The following GSE1 variants were observed in gnomAD, a reference collection of about 807,000 sequenced individuals.
GSE1 encodes Gse1 coiled-coil protein, also known as genetic suppressor element 1.
In GSE1, 32 loss-of-function variants were observed where a neutral mutation model predicts 112.6. The ratio of observed to expected loss-of-function variants is 0.28; its 90% CI spans 0.21 to 0.38. The LOEUF is 0.38. GSE1 is among the 10% of genes least tolerant of loss of function. The pLI, the probability that GSE1 is intolerant of heterozygous loss-of-function variation, is 1.00. For synonymous variants in GSE1, 1,115 were observed against 735.6 expected (o/e 1.52, Z -8.35); for missense variants, 2,348 against 1,699.2 (o/e 1.38, Z -6.71).
In GSE1 at chr16:85,613,386, C is replaced by T. The variant is rs757400279; in HGVS notation, c.-6C>T. 2 of 1,567,352 alleles carry T rather than the reference C, an allele frequency of 1.3e-6. No individual in the cohort carries two copies. Among genetic ancestry groups the T allele is most frequent in the South Asian group, 1.2e-5 (1 of 85,424 alleles). On this transcript the variant is annotated 5_prime_UTR_variant, in exon 1 of 16. Coordinates refer to ENST00000253458, the MANE Select transcript of GSE1 (RefSeq NM_014615.5). ...ATCAGCCGAGGTGGAGCTGCGGGGC[C>T]CTGGCATGAAAGGTGAGCGCGCCGC...
At chr16:85,579,659 G>C (rs777297127) in intron 1 of GSE1, among the ~76,000 whole-genome samples, 1 of 152,180 alleles carries the variant, frequency 6.6e-6, no homozygotes, top group East Asian at 1.9e-4. Context: ...GCGGCCTCCC[G>C]TCTCTCTTCC....
upstream of GSE1, among the ~76,000 whole-genome samples, chr16:85,553,656 G>A (rs2045049863): frequency 2.6e-5 from 4 of 152,100 alleles, no homozygotes; most frequent in South Asian, 8.3e-4. Flanking sequence ...TGCTGGCGGC[G>A]GCGGGGAAGA....
At chr16:85,543,218 A>G (rs917546959) in intron 2 of GSE1, among the ~76,000 whole-genome samples, 3 of 152,104 alleles carry the variant, frequency 2.0e-5, no homozygotes, top group Middle Eastern at 3.2e-3. Context: ...CTCAAAAAAA[A>G]AAAAAAAAAA....
intron 1 of GSE1, among the ~76,000 whole-genome samples, chr16:85,316,952 T>C (rs1378852657): frequency 1.3e-5 from 2 of 152,156 alleles, no homozygotes; most frequent in South Asian, 2.1e-4. Flanking sequence ...CCTGGCACTT[T>C]TGGGGAACCC....
At chr16:85,334,900 C>T (rs540496943) in intron 1 of GSE1, among the ~76,000 whole-genome samples, 1 of 152,310 alleles carries the variant, frequency 6.6e-6, no homozygotes, top group Admixed American at 6.5e-5. Context: ...AAGAGAGCTG[C>T]TCCAACAACT....
At chr16:85,387,261 G>T (rs1187640377) in intron 2 of GSE1, among the ~76,000 whole-genome samples, 1 of 152,062 alleles carries the variant, frequency 6.6e-6, no homozygotes, top group Non-Finnish European at 1.5e-5. Flanking sequence ...CTCACGCCCA[G>T]TGACTCCCCA....
At chr16:85,439,754 C>T (rs2049333205) in intron 2 of GSE1, among the ~76,000 whole-genome samples, 1 of 99,844 alleles carries the variant, frequency 1.0e-5, no homozygotes, top group East Asian at 3.5e-4. Flanking sequence ...CATGCATGCA[C>T]ACACACAGAC....
intron 1 of GSE1, among the ~76,000 whole-genome samples, chr16:85,277,622 AC>A (rs200699409): frequency 0.014 from 2,090 of 152,032 alleles, 22 homozygotes; most frequent in Non-Finnish European, 0.019. Context: ...CCCAACTTCC[AC>A]CCCACCTGGA....
intron 2 of GSE1, among the ~76,000 whole-genome samples, chr16:85,414,802 T>G (rs1389442384): frequency 6.6e-6 from 1 of 150,972 alleles, no homozygotes; most frequent in Non-Finnish European, 1.5e-5. Flanking sequence ...GCCTGACTAA[T>G]TTTTTGTATT....
chr16:85,603,858 C>T (rs1209577295), intron 1 of GSE1, among the ~76,000 whole-genome samples: 2 of 152,160 alleles, frequency 1.3e-5, no homozygotes, highest in East Asian at 1.9e-4. Flanking sequence ...TACAATTAGC[C>T]GTTTTAAAGG....
exon 1 of GSE1, chr16:85,170,235 G>T: frequency 5.1e-6 from 5 of 985,432 alleles, no homozygotes; most frequent in Non-Finnish European, 6.0e-6. Context: ...AGGAGGAGGG[G>T]CTCCCCGCGA....
intron 1 of GSE1, among the ~76,000 whole-genome samples, chr16:85,267,686 C>T (rs1168076625): frequency 1.3e-5 from 2 of 152,186 alleles, no homozygotes; most frequent in Non-Finnish European, 2.9e-5. Flanking sequence ...TGAACACATC[C>T]AAGCTTTCCC....
intron 2 of GSE1, among the ~76,000 whole-genome samples, chr16:85,470,460 T>G (rs1023638561): frequency 6.6e-6 from 1 of 152,220 alleles, no homozygotes; most frequent in Admixed American, 6.5e-5. Context: ...CATGGCCCCT[T>G]GGGGTCCCCT....
chr16:85,173,784 A>AG (rs1229427164), intron 1 of GSE1, among the ~76,000 whole-genome samples: 2 of 152,174 alleles, frequency 1.3e-5, no homozygotes, highest in Non-Finnish European at 2.9e-5. Flanking sequence ...GCAGCTGGGA[A>AG]GGGGGAGTGG....
chr16:85,304,497 C>T (rs1414445932), intron 1 of GSE1, among the ~76,000 whole-genome samples: 3 of 151,924 alleles, frequency 2.0e-5, no homozygotes, highest in Non-Finnish European at 4.4e-5. Flanking sequence ...GGAGCTCAGG[C>T]TCTCCCATGC....
At chr16:85,457,922 G>A (rs2049874384) in intron 2 of GSE1, among the ~76,000 whole-genome samples, 1 of 152,216 alleles carries the variant, frequency 6.6e-6, no homozygotes, top group Admixed American at 6.5e-5. Flanking sequence ...CCTGAGATGT[G>A]GTAGCATTGG....
chr16:85,438,125 G>A (rs1190912003), intron 2 of GSE1, among the ~76,000 whole-genome samples: 1 of 152,168 alleles, frequency 6.6e-6, no homozygotes, highest in Non-Finnish European at 1.5e-5. Flanking sequence ...CCCCGGATAG[G>A]ATACTGTGTT....
intron 2 of GSE1, among the ~76,000 whole-genome samples, chr16:85,390,167 A>T (rs2047804665): frequency 6.6e-6 from 1 of 152,216 alleles, no homozygotes; most frequent in Non-Finnish European, 1.5e-5. Flanking sequence ...GTATTCTTAC[A>T]CATACTTCTG....
intron 2 of GSE1, among the ~76,000 whole-genome samples, chr16:85,421,627 G>T (rs149809686): frequency 3.9e-5 from 6 of 152,294 alleles, no homozygotes; most frequent in Non-Finnish European, 7.4e-5. Flanking sequence ...TCATTTGCAG[G>T]CCCGAGCTTG....
Sources: allele counts gnomAD v4.1 joint callset (sites outside exome capture counted in the v4.1 genomes callset), GRCh38; gene constraint gnomAD v4.1.1; transcripts MANE v1.5; gene names NCBI Gene and HGNC (gene_info 2026-07-23, HGNC 2026-07-21).